Variants in COL1A1 observed in about 807,000 individuals in gnomAD.
COL1A1 encodes collagen type I alpha 1 chain, also known as collagen alpha-1(I) chain.
A neutral mutation model predicts 195.7 loss-of-function variants in COL1A1; 21 were observed. The observed-to-expected ratio is 0.11, with a 90% CI of 0.08 to 0.15. COL1A1 has a LOEUF of 0.15. Ranked by LOEUF, COL1A1 falls within the 10% of genes least tolerant of loss-of-function variation. COL1A1 has a pLI of 1.00. For missense variants in COL1A1, 1,365 were observed against 2,051.0 expected (o/e 0.67, Z 6.46); for synonymous variants, 749 against 747.3 (o/e 1.00, Z -0.04).
Position 50,185,423 on chromosome 17 carries a change from A to G in COL1A1, c.*79T>C. 6.4e-7 allele frequency: 1 copy of G among 1,566,800 alleles called. No homozygotes were observed. The highest frequency in any genetic ancestry group is 1.4e-5 in the African/African-American group (1 of 73,406). On this transcript the variant is annotated 3_prime_UTR_variant, in exon 51 of 51. Transcript: ENST00000225964. ...CATTTTTTGGCTTTTGAGGGGGTTC[A>G]GTTTGGGTTGCTTGTCTGTTTCCGG...
In COL1A1 at chr17:50,189,917, A is replaced by G. The variant is rs2144552369; in HGVS notation, c.2560-5T>C. The G allele has an allele frequency of 2.5e-6, 4 of 1,611,900 alleles. No homozygotes were observed. The highest frequency in any genetic ancestry group is 3.4e-5 in the Admixed American group (2 of 59,684). On this transcript the variant is annotated splice_polypyrimidine_tract_variant and splice_region_variant and intron_variant, in intron 36 of 50. Coordinates refer to ENST00000225964, the MANE Select transcript of COL1A1 (RefSeq NM_000088.4). The surrounding 1 kb of genome is among the most constrained non-coding windows in gnomAD (Gnocchi z 5.5). ...TCCAGGAGCACCAACATTACCCTGTAGGAGAGCACAGAGGCATCAAGCCTG... is the reference window on the plus strand; with the variant it reads ...TCCAGGAGCACCAACATTACCCTGTGGGAGAGCACAGAGGCATCAAGCCTG...
In COL1A1 at chr17:50,199,453, C is replaced by T; in HGVS notation, c.334G>A (p.Gly112Arg). 6.2e-7 allele frequency: 1 copy of T among 1,614,162 alleles called. No homozygotes were observed. Among genetic ancestry groups the T allele is most frequent in the Non-Finnish European group, 8.5e-7 (1 of 1,180,014 alleles). The change falls in exon 4 of 51, where the codon GGA becomes AGA. Residue 112 changes from glycine to arginine, a missense_variant and splice_region_variant. By Grantham distance (125) the Gly-to-Arg change is moderately radical (BLOSUM62 -2). Transcript: ENST00000225964. The part of the protein sequence containing the change: ...PTDQETTGVE[G>R]PKGDTGPRGP... The stretch of plus-strand genomic sequence containing the variant: ...CGGGGGCCAGTGTCTCCCTTGGGTC[C>T]CTGTGGGATTGGGGGAGAAGAAACA...
chr17:50,194,200 G>A lies in COL1A1; in HGVS notation c.1615-17C>T. ...AGTCAGACCCTAGGGAGGCAGAGAG[G>A]TATGAGTGGGACTTGGGGAGAAGCA... On this transcript the variant is annotated splice_polypyrimidine_tract_variant and intron_variant, in intron 23 of 50. Coordinates refer to ENST00000225964, the MANE Select transcript of COL1A1 (RefSeq NM_000088.4). The surrounding 1 kb of genome is among the most constrained non-coding windows in gnomAD (Gnocchi z 6.8). 1 of 1,613,108 alleles carries A rather than the reference G, an allele frequency of 6.2e-7. No individual in the cohort carries two copies. The highest frequency in any genetic ancestry group is 8.5e-7 in the Non-Finnish European group (1 of 1,179,772).
At position 50,196,384 on chromosome 17, in the gene COL1A1, G is replaced by C. The variant is rs1254166138; in HGVS notation, c.904-17C>G. ...ACGGGGGCCCTGACAACCAAACCAA[G>C]AGAAGTCAGATGAGATGGGAGACAG... On this transcript the variant is annotated splice_polypyrimidine_tract_variant and intron_variant, in intron 13 of 50. Transcript: ENST00000225964. The C allele has an allele frequency of 1.8e-5, 29 of 1,614,006 alleles. No homozygotes were observed. The highest frequency in any genetic ancestry group is 2.5e-5 in the Non-Finnish European group (29 of 1,179,936).
chr17:50,199,235 G>A lies in COL1A1; in HGVS notation c.462C>T (p.Gly154=), dbSNP rs41317351. 330 of 1,465,708 alleles carry A rather than the reference G, an allele frequency of 2.3e-4. 1 individual carries two copies. In the East Asian group the frequency reaches 6.4e-3, roughly 29 times the overall value. The allele number at this position is 1,465,708 out of a possible 1,614,324, so 90.8% of individuals were successfully genotyped here. A position where few individuals can be genotyped will look rare whatever the true frequency, so the allele number is the denominator to read the frequency against. ...AGGCCTCTCCACTTACTCCTCCGAG[G>A]CCAGGGGGTCCGGGAGGTCCGGGGG... ...PGPPGPPGPP[G]LGGNFAPQLS... is the part of the protein sequence containing the mutation. Residue 154 remains glycine (G), a synonymous_variant, in exon 5 of 51, where the codon GGC becomes GGT. Transcript: ENST00000225964.
rs1286205062 is a variant in COL1A1 at position 50,185,415 on chromosome 17, G to C, written c.*87C>G. The stretch of plus-strand genomic sequence containing the variant: ...TTGTCTCCCATTTTTTGGCTTTTGA[G>C]GGGGTTCAGTTTGGGTTGCTTGTCT... On this transcript the variant is annotated 3_prime_UTR_variant, in exon 51 of 51. Transcript: ENST00000225964. The C allele has an allele frequency of 2.6e-6, 4 of 1,521,836 alleles. No homozygotes were observed. Among genetic ancestry groups the C allele is most frequent in the Middle Eastern group, 1.9e-4 (1 of 5,388 alleles). The allele number at this position is 1,521,836 out of a possible 1,614,324, so 94.3% of individuals were successfully genotyped here.
chr17:50,187,758 C>A (rs1906680783), intron 45 of COL1A1, 118 bp downstream of exon 45: 3 of 1,072,326 alleles, frequency 2.8e-6, no homozygotes, highest in Middle Eastern at 4.5e-4. Context: ...AATCTTCAGA[C>A]CCCAGTCCCC....
chr17:50,185,383 T>C lies in COL1A1; in HGVS notation c.*119A>G, dbSNP rs1433661050. 1 of 1,104,286 alleles carries C rather than the reference T, an allele frequency of 9.1e-7. No individual in the cohort carries two copies. The highest frequency in any genetic ancestry group is 1.8e-5 in the Admixed American group (1 of 54,566). The allele number at this position is 1,104,286 out of a possible 1,614,324, so 68.4% of individuals were successfully genotyped here. ...GGAAAAAAATATTTTCCAAAGTCCA[T>C]GTGAAATTGTCTCCCATTTTTTGGC... On this transcript the variant is annotated 3_prime_UTR_variant, in exon 51 of 51. Transcript: ENST00000225964.
rs1906558101 is a variant in COL1A1 at position 50,186,683 on chromosome 17, G to A, written c.3771C>T (p.Arg1257=). ...GGCACATCTTGAGGTCACGGCAGGT[G>A]CGGGCGGGGTTCTTGCGGCTGCCCT... The part of the protein sequence containing the change: ...SPEGSRKNPA[R]TCRDLKMCHS... The change falls in exon 48 of 51, where the codon CGC becomes CGT. Residue 1257 remains arginine (R), a synonymous_variant. Transcript: ENST00000225964. This position sits in a 1 kb window ranked among gnomAD's most constrained non-coding sequence, Gnocchi z 5.3. The A allele has an allele frequency of 6.2e-7, 1 of 1,613,688 alleles. No individual in the cohort carries two copies. Among genetic ancestry groups the A allele is most frequent in the Admixed American group, 1.7e-5 (1 of 60,026 alleles).
Position 50,190,286 on chromosome 17 carries a change from C to A in COL1A1, c.2451+41G>T, listed in dbSNP as rs755996397. 4.7e-6 allele frequency: 7 copies of A among 1,485,182 alleles called. No homozygotes were observed. In the Admixed American group the frequency reaches 1.2e-4, roughly 25 times the overall value. 92.0% of individuals were successfully genotyped at this position (1,485,182 alleles called of 1,614,324 possible). A position where few individuals can be genotyped will look rare whatever the true frequency, so the allele number is the denominator to read the frequency against. On this transcript the variant is annotated intron_variant, in intron 35 of 50. Transcript: ENST00000225964. The surrounding 1 kb of genome is among the most constrained non-coding windows in gnomAD (Gnocchi z 4.7). ...CATTCCGTCCCTCGAGGTCCCAGGT[C>A]CCAGTCGGTGATGAAAAATGATGGG...
rs1907532547 is a variant in COL1A1 at position 50,195,827 on chromosome 17, C to G, written c.1056+96G>C. On this transcript the variant is annotated intron_variant, in intron 16 of 50. Transcript: ENST00000225964. This position sits in a 1 kb window ranked among gnomAD's most constrained non-coding sequence, Gnocchi z 4.3. ...CAAAGGTGTTAGTGAACGGGCTGCT[C>G]TCTTGCCACTCTGGGTCCCTTTGGT... The G allele has an allele frequency of 3.4e-6, 5 of 1,463,382 alleles. No homozygotes were observed. Among genetic ancestry groups the G allele is most frequent in the Admixed American group, 2.0e-5 (1 of 50,932 alleles). The allele number at this position is 1,463,382 out of a possible 1,614,324, so 90.6% of individuals were successfully genotyped here. A position where few individuals can be genotyped will look rare whatever the true frequency, so the allele number is the denominator to read the frequency against.
rs770620601 is a variant in COL1A1, at chr17:50,196,372, C to A, written c.904-5G>T. Reference sequence around the variant, plus strand: ...ACCAGGCAGGCCACGGGGGCCCTGACAACCAAACCAAGAGAAGTCAGATGA... The same window carrying A: ...ACCAGGCAGGCCACGGGGGCCCTGAAAACCAAACCAAGAGAAGTCAGATGA... On this transcript the variant is annotated splice_polypyrimidine_tract_variant and splice_region_variant and intron_variant, in intron 13 of 50. Coordinates refer to ENST00000225964, the MANE Select transcript of COL1A1 (RefSeq NM_000088.4). 3.1e-6 allele frequency: 5 copies of A among 1,613,742 alleles called. No homozygotes were observed. In the African/African-American group the frequency reaches 6.7e-5, roughly 22 times the overall value.
intron 11 of COL1A1, 41 bp from the exon 12 acceptor site, chr17:50,196,711 G>A (rs759788403): frequency 1.2e-6 from 2 of 1,604,418 alleles, no homozygotes; most frequent in Non-Finnish European, 1.7e-6. Context: ...CCTGTGGAGG[G>A]GGTGGAACAG....
chr17:50,188,216 G>T lies in COL1A1; in HGVS notation c.3208-67C>A. The T allele has an allele frequency of 1.4e-6, 2 of 1,392,738 alleles. No homozygotes were observed. The highest frequency in any genetic ancestry group is 1.9e-6 in the Non-Finnish European group (2 of 1,026,584). The allele number at this position is 1,392,738 out of a possible 1,614,324, so 86.3% of individuals were successfully genotyped here. On this transcript the variant is annotated intron_variant, in intron 43 of 50. Coordinates refer to ENST00000225964, the MANE Select transcript of COL1A1 (RefSeq NM_000088.4). The surrounding 1 kb of genome is among the most constrained non-coding windows in gnomAD (Gnocchi z 5.6). ...GCTGAGGCTGGGGCTGCAGGATGAG[G>T]CCTCCCCTCTGCTGGATCTCTCTCT...
At chr17:50,192,271 C>A in intron 29 of COL1A1, 1 of 734,130 alleles carries the variant, frequency 1.4e-6, no homozygotes, top group Non-Finnish European at 2.3e-6. Flanking sequence ...CAGCATATTC[C>A]AGCAGCTCTT....
intron 29 of COL1A1, 149 bp downstream of exon 29, chr17:50,192,326 T>C: frequency 1.1e-6 from 1 of 929,100 alleles, no homozygotes; most frequent in Non-Finnish European, 1.7e-6. Flanking sequence ...CCCACTTCCC[T>C]CTGTGCTGCT....
chr17:50,199,242 G>A lies in COL1A1; in HGVS notation c.455C>T (p.Pro152Leu). The change falls in exon 5 of 51, where the codon CCC becomes CTC. Residue 152 changes from proline to leucine, a missense_variant. Physicochemically the swap from Pro to Leu is moderately conservative, Grantham distance 98. Transcript: ENST00000225964. ...TCCACTTACTCCTCCGAGGCCAGGG[G>A]GTCCGGGAGGTCCGGGGGGTCCGGG... ...GPPGPPGPPGPPGLGGNFAPQ... is the reference protein window; with the variant it reads ...GPPGPPGPPGLPGLGGNFAPQ... The A allele has an allele frequency of 6.8e-7, 1 of 1,471,604 alleles. No homozygotes were observed. Among genetic ancestry groups the A allele is most frequent in the Non-Finnish European group, 9.0e-7 (1 of 1,107,138 alleles). The allele number at this position is 1,471,604 out of a possible 1,614,324, so 91.2% of individuals were successfully genotyped here.
intron 6 of COL1A1, 73 bp from the exon 7 acceptor site, chr17:50,198,278 C>T (rs1164223261): frequency 4.4e-5 from 69 of 1,580,602 alleles, no homozygotes; most frequent in Non-Finnish European, 5.7e-5. Flanking sequence ...TCATTCATGC[C>T]TGTTGGGACC....
rs35183627 is a variant in COL1A1 at position 50,199,428 on chromosome 17, C to T, written c.359G>A (p.Arg120Gln). The T allele has an allele frequency of 2.5e-6, 4 of 1,614,084 alleles. No individual in the cohort carries two copies. The highest frequency in any genetic ancestry group is 1.3e-5 in the African/African-American group (1 of 75,046). ...GAGTGCAACGCTTACCCTTGGGCCT[C>T]GGGGGCCAGTGTCTCCCTTGGGTCC... ...VEGPKGDTGP[R>Q]GPRGPAGPPG... is the part of the protein sequence containing the mutation. Residue 120 changes from arginine to glutamine, a missense_variant, in exon 4 of 51, where the codon CGA becomes CAA. By Grantham distance (43) the Arg-to-Gln change is conservative. This residue lies in a region of COL1A1 where 194 missense variants were observed against 221.7 expected (regional missense o/e 0.88). Coordinates refer to ENST00000225964, the MANE Select transcript of COL1A1 (RefSeq NM_000088.4).
Sources: gnomAD v4.1 joint callset for allele counts on GRCh38, gnomAD v4.1.1 for gene constraint, gnomAD v4.1.1 regional missense constraint, Gnocchi (gnomAD v3.1) non-coding constraint, MANE v1.5 for transcripts, NCBI Gene and HGNC (gene_info 2026-07-23, HGNC 2026-07-21) for gene names.